Variants in ST13 observed in about 807,000 individuals in gnomAD.
ST13 encodes the protein ST13 Hsp70 interacting protein.
Under a neutral mutation model 56.7 loss-of-function variants are expected in ST13, and 23 were observed. That is an observed-to-expected ratio of 0.41 (90% confidence interval 0.29 to 0.57). ST13 has a LOEUF of 0.57. Ranked by LOEUF, ST13 falls within the 20% of genes least tolerant of loss-of-function variation. The pLI, the probability that ST13 is intolerant of heterozygous loss-of-function variation, is 0.36. For missense variants in ST13, 369 were observed against 459.9 expected (o/e 0.80, Z 1.81); for synonymous variants, 132 against 142.4 (o/e 0.93, Z 0.52).
intron 5 of ST13, among the ~76,000 whole-genome samples, chr22:40,840,282 A>G (rs756179173): frequency 5.9e-5 from 9 of 151,968 alleles, no homozygotes; most frequent in Non-Finnish European, 1.0e-4. Context: ...TATGAACATC[A>G]TCTGTCAAGG....
chr22:40,848,748 T>TA (rs1472512625), intron 2 of ST13, among the ~76,000 whole-genome samples: 2 of 151,870 alleles, frequency 1.3e-5, no homozygotes, highest in Non-Finnish European at 2.9e-5. Flanking sequence ...GTCTCAAAAA[T>TA]AAAAAAACAA....
chr22:40,842,230 C>T (rs532419437), intron 4 of ST13, among the ~76,000 whole-genome samples: 1 of 152,276 alleles, frequency 6.6e-6, no homozygotes, highest in Admixed American at 6.5e-5. Flanking sequence ...GAAGCAATCA[C>T]CTTCTTACCT....
intron 1 of ST13, among the ~76,000 whole-genome samples, 166 bp from the exon 2 acceptor site, chr22:40,851,046 A>AT (rs2057858867): frequency 6.6e-6 from 1 of 152,166 alleles, no homozygotes; most frequent in South Asian, 2.1e-4. Flanking sequence ...TTATGGTTAA[A>AT]TTTTTTCCAG....
intron 5 of ST13, among the ~76,000 whole-genome samples, chr22:40,838,972 G>A (rs1334114132): frequency 6.6e-6 from 1 of 151,588 alleles, no homozygotes; most frequent in Non-Finnish European, 1.5e-5. Flanking sequence ...GATTGGAGAA[G>A]TAAAATACAG....
Position 40,826,377 on chromosome 22 carries a change from G to C in ST13, c.*161C>G, listed in dbSNP as rs550461391. On this transcript the variant is annotated 3_prime_UTR_variant, in exon 12 of 12. Coordinates refer to ENST00000216218, the MANE Select transcript of ST13 (RefSeq NM_003932.5). ...CCCTAATGGCAAACCACTGTAAAAT[G>C]CTTCAGCTGCATTTGGGGGAGAGGG... The C allele has an allele frequency of 1.8e-6, 1 of 544,512 alleles. No individual in the cohort carries two copies. Among genetic ancestry groups the C allele is most frequent in the African/African-American group, 1.9e-5 (1 of 53,508 alleles). 33.7% of individuals were successfully genotyped at this position (544,512 alleles called of 1,614,324 possible). A position where few individuals can be genotyped will look rare whatever the true frequency, so the allele number is the denominator to read the frequency against.
chr22:40,836,926 C>A (rs993294232), intron 5 of ST13, among the ~76,000 whole-genome samples: 1 of 152,136 alleles, frequency 6.6e-6, no homozygotes, highest in African/African-American at 2.4e-5. Flanking sequence ...AGTGATCATC[C>A]CACCTCAGCT....
chr22:40,827,368 G>T, intron 10 of ST13, 139 bp from the exon 11 acceptor site: 1 of 766,148 alleles, frequency 1.3e-6, no homozygotes, highest in East Asian at 2.5e-5. Context: ...ATTCTAACCA[G>T]ACTGCAACAA....
intron 1 of ST13, 114 bp downstream of exon 1, chr22:40,856,317 G>C: frequency 1.1e-6 from 1 of 902,586 alleles, no homozygotes; most frequent in Non-Finnish European, 1.8e-6. Context: ...CCTTTCCCGG[G>C]CAAAGAAGGG....
At chr22:40,843,291 GA>G (rs1250480771) in intron 4 of ST13, among the ~76,000 whole-genome samples, 21 of 152,186 alleles carry the variant, frequency 1.4e-4, no homozygotes, top group African/African-American at 4.8e-4. Context: ...TAACAAAGGG[GA>G]AAAAAACCAA....
Position 40,856,419 on chromosome 22 carries a change from C to T in ST13, c.110+12G>A. Reference sequence around the variant, plus strand: ...TCCCCCGCCCCCAACGGTCCTCAGGCCTGGGTCTCACCTCTCCACCCACTC... The same window carrying T: ...TCCCCCGCCCCCAACGGTCCTCAGGTCTGGGTCTCACCTCTCCACCCACTC... On this transcript the variant is annotated intron_variant, in intron 1 of 11. Coordinates refer to ENST00000216218, the MANE Select transcript of ST13 (RefSeq NM_003932.5). 2 of 1,607,548 alleles carry T rather than the reference C, an allele frequency of 1.2e-6. No homozygotes were observed. Among genetic ancestry groups the T allele is most frequent in the Non-Finnish European group, 1.7e-6 (2 of 1,174,182 alleles).
chr22:40,828,614 A>G (rs1429956901), intron 10 of ST13, among the ~76,000 whole-genome samples: 1 of 151,948 alleles, frequency 6.6e-6, no homozygotes, highest in Admixed American at 6.5e-5. Flanking sequence ...CTCTGTCTCA[A>G]TAATAAAAAA....
chr22:40,834,232 C>A (rs1354965969), intron 7 of ST13, among the ~76,000 whole-genome samples: 2 of 152,112 alleles, frequency 1.3e-5, no homozygotes, highest in African/African-American at 4.8e-5. Flanking sequence ...TTGCAGTGAG[C>A]CTAGATCGCA....
At position 40,840,098 on chromosome 22, in the gene ST13, C is replaced by T. The variant is rs570188612; in HGVS notation, c.382+528G>A. Reference sequence around the variant, plus strand: ...CCGGGAGGCGGAGGTTGTAGTGAGCCGAGATCGCATCACTGCACTCCAGCC... The same window carrying T: ...CCGGGAGGCGGAGGTTGTAGTGAGCTGAGATCGCATCACTGCACTCCAGCC... On this transcript the variant is annotated intron_variant, in intron 5 of 11. Transcript: ENST00000216218. Among the ~76,000 whole-genome samples, 6 of 152,146 alleles carry T rather than the reference C, an allele frequency of 3.9e-5. No individual in the cohort carries two copies. The South Asian group carries it at 8.3e-4, about 21-fold the overall frequency.
Position 40,835,592 on chromosome 22 carries a change from A to AG in ST13, c.545dup (p.Gln183SerfsTer22). 1 of 1,612,944 alleles carries AG rather than the reference A, an allele frequency of 6.2e-7. No individual in the cohort carries two copies. The highest frequency in any genetic ancestry group is 1.3e-5 in the African/African-American group (1 of 75,012). On this transcript the variant is annotated frameshift_variant, in exon 7 of 12. Coordinates refer to ENST00000216218, the MANE Select transcript of ST13 (RefSeq NM_003932.5). LOFTEE classifies it high-confidence loss of function. ...CTTTCCCCCGCCACTTGTAAGGCTG[A>AG]GCTGAATCAGGATTTATTTCAATGG...
chr22:40,841,872 C>A (rs1238182981), intron 4 of ST13, among the ~76,000 whole-genome samples: 1 of 152,016 alleles, frequency 6.6e-6, no homozygotes, highest in Non-Finnish European at 1.5e-5. Flanking sequence ...GGATTAGAAG[C>A]ATAAGCCGCC....
chr22:40,840,628 T>A lies in ST13; in HGVS notation c.380A>T (p.Asp127Val), dbSNP rs1191341291. Residue 127 changes from aspartate to valine, a missense_variant and splice_region_variant, in exon 5 of 12, where the codon GAT (aspartate) becomes GTT (valine). Asp to Val is a radical substitution (Grantham distance 152). Around this residue, in one of 3 missense-constraint regions of ST13, gnomAD observed 169 missense variants for 175.6 expected, o/e 0.96. Transcript: ENST00000216218. ...AATGTAGCAAAAAGATTACTCACCA[T>A]CATTTAGGGCTTCAATAGCAGCCAC... is the stretch of plus-strand genomic sequence containing the variant. ...KKVAAIEALN[D>V]GELQKAIDLF... 1 of 1,609,522 alleles carries A rather than the reference T, an allele frequency of 6.2e-7. No individual in the cohort carries two copies. The highest frequency in any genetic ancestry group is 2.2e-5 in the East Asian group (1 of 44,804).
intron 10 of ST13, 119 bp from the exon 11 acceptor site, chr22:40,827,348 G>A: frequency 1.0e-6 from 1 of 999,114 alleles, no homozygotes. Context: ...GTAGTCTGAA[G>A]AGTCTGAAAA....
At chr22:40,833,959 G>T (rs1292706320) in intron 7 of ST13, among the ~76,000 whole-genome samples, 2 of 152,090 alleles carry the variant, frequency 1.3e-5, no homozygotes. Flanking sequence ...TAGTTATCTT[G>T]ACTGTATATT....
chr22:40,846,634 AAG>A (rs777261248), intron 3 of ST13, among the ~76,000 whole-genome samples: 9 of 152,208 alleles, frequency 5.9e-5, no homozygotes, highest in Admixed American at 1.3e-4. Flanking sequence ...TAAAAAGTAA[AAG>A]ATCTTCAATT....
Sources: gnomAD v4.1 joint callset for allele counts (sites outside exome capture counted in the v4.1 genomes callset) on GRCh38, gnomAD v4.1.1 for gene constraint, gnomAD v4.1.1 regional missense constraint, MANE v1.5 for transcripts, NCBI Gene and HGNC (gene_info 2026-07-23, HGNC 2026-07-21) for gene names.